Variants in CCND3 observed in about 807,000 individuals in gnomAD.
CCND3 encodes cyclin D3.
Under a neutral mutation model 28.7 loss-of-function variants are expected in CCND3, and 9 were observed. That is an observed-to-expected ratio of 0.31 (90% CI 0.19 to 0.55). The LOEUF (loss-of-function observed/expected upper bound fraction) is 0.55, where lower values mean the gene tolerates loss of function less well. CCND3 is among the 20% of genes least tolerant of loss of function. CCND3 has a pLI of 0.93. For missense variants in CCND3, 315 were observed against 385.8 expected, an observed-to-expected ratio of 0.82 and a Z score of 1.54; for synonymous variants, 164 against 163.9, an observed-to-expected ratio of 1.00 and a Z score of 0.00.
intron 1 of CCND3, among the ~76,000 whole-genome samples, chr6:41,996,123 A>G (rs1032876082): frequency 8.3e-5 from 8 of 96,960 alleles, no homozygotes; most frequent in African/African-American, 3.9e-4. Context: ...ATATATATAT[A>G]ATATATATAT....
intron 1 of CCND3, among the ~76,000 whole-genome samples, chr6:41,953,481 C>T (rs879595157): frequency 1.3e-5 from 2 of 151,916 alleles, no homozygotes; most frequent in Non-Finnish European, 2.9e-5. Flanking sequence ...AAGTAAACTG[C>T]AGTAGTAGGT....
intron 1 of CCND3, among the ~76,000 whole-genome samples, chr6:41,951,589 A>C (rs1776319769): frequency 7.3e-6 from 1 of 137,142 alleles, no homozygotes; most frequent in Non-Finnish European, 1.6e-5. Flanking sequence ...AAAAAAGATT[A>C]AGTGGGAGTA....
At chr6:42,025,281 G>T (rs1340571623) in intron 1 of CCND3, among the ~76,000 whole-genome samples, 1 of 152,182 alleles carries the variant, frequency 6.6e-6, no homozygotes, top group Non-Finnish European at 1.5e-5. Flanking sequence ...GGCCCAGGAA[G>T]CCAAGCCCCA....
chr6:42,042,061 A>G (rs1389738602), intron 1 of CCND3, among the ~76,000 whole-genome samples: 1 of 152,232 alleles, frequency 6.6e-6, no homozygotes, highest in African/African-American at 2.4e-5. Context: ...GGACAGCCCC[A>G]GCTTCAAATA....
intron 1 of CCND3, among the ~76,000 whole-genome samples, chr6:42,044,050 G>A (rs1000576076): frequency 1.3e-5 from 2 of 152,174 alleles, no homozygotes; most frequent in Non-Finnish European, 2.9e-5. Flanking sequence ...CAGGGCCGTC[G>A]GTCCTGCCCT....
chr6:42,009,780 C>T (rs1763286860), intron 1 of CCND3, among the ~76,000 whole-genome samples: 1 of 151,998 alleles, frequency 6.6e-6, no homozygotes, highest in South Asian at 2.1e-4. Flanking sequence ...GAACTCCAGC[C>T]TAGGTGATAG....
chr6:42,012,737 C>T (rs1371693286), intron 1 of CCND3, among the ~76,000 whole-genome samples: 1 of 152,192 alleles, frequency 6.6e-6, no homozygotes, highest in African/African-American at 2.4e-5. Flanking sequence ...ATGTACATTA[C>T]AAGATCTTTA....
At chr6:42,019,404 G>C (rs1411802818) in intron 1 of CCND3, among the ~76,000 whole-genome samples, 2 of 147,664 alleles carry the variant, frequency 1.4e-5, no homozygotes, top group Non-Finnish European at 3.0e-5. Context: ...CAGGAGAATT[G>C]CTTGAACCCG....
chr6:41,987,359 G>A (rs1762507221), intron 1 of CCND3, among the ~76,000 whole-genome samples: 2 of 151,850 alleles, frequency 1.3e-5, no homozygotes, highest in Non-Finnish European at 2.9e-5. Context: ...AGAAAAGACT[G>A]GGTGCTTATA....
In CCND3 at chr6:42,046,968, C is replaced by T. The variant is rs185684290; in HGVS notation, c.-46+1533G>A. Among the ~76,000 whole-genome samples, 184 of 152,370 alleles carry T rather than the reference C, an allele frequency of 1.2e-3. 2 individuals are homozygous for T. The highest frequency in any genetic ancestry group is 4.3e-3 in the African/African-American group (177 of 41,584). ...GTTTCTTGTGTCTGAAGGAAGATTA[C>T]TTATCTCCAGTGCCTGCGTTTCCTC... On this transcript the variant is annotated intron_variant, in intron 1 of 4. Coordinates refer to the CCND3 transcript ENST00000372988.
At chr6:42,007,644 A>T (rs1045623875) in intron 1 of CCND3, among the ~76,000 whole-genome samples, 2 of 152,220 alleles carry the variant, frequency 1.3e-5, no homozygotes, top group Non-Finnish European at 2.9e-5. Context: ...AGGCGGGCTT[A>T]TAAAATTAGG....
chr6:42,035,417 G>T (rs145727622), intron 1 of CCND3, among the ~76,000 whole-genome samples: 2 of 152,188 alleles, frequency 1.3e-5, no homozygotes, highest in East Asian at 3.9e-4. Flanking sequence ...GCCCAGGCTG[G>T]AGTGCAGTGG....
In CCND3 at chr6:42,003,009, A is replaced by G. The variant is rs1020825982; in HGVS notation, c.-46+45492T>C. 5.5e-4 allele frequency among the ~76,000 whole-genome samples: 84 copies of G among 151,470 alleles called. 2 individuals are homozygous for G. Among genetic ancestry groups the G allele is most frequent in the Non-Finnish European group, 1.5e-4 (10 of 67,934 alleles). ...GAAACCCTGTGTCTACTAAAAATAC[A>G]ATATTAGCTGGGTGTGGTGGCACAT... On this transcript the variant is annotated intron_variant, in intron 1 of 4. Coordinates refer to the CCND3 transcript ENST00000372988.
chr6:42,016,989 G>A (rs1007633614), intron 1 of CCND3, among the ~76,000 whole-genome samples: 5 of 152,222 alleles, frequency 3.3e-5, no homozygotes, highest in African/African-American at 7.2e-5. Flanking sequence ...ATGGGGAAAC[G>A]TTAGATAAAT....
In CCND3 at chr6:41,989,144, A is replaced by C. The variant is rs144840094; in HGVS notation, c.-45-48559T>G. Reference sequence around the variant, plus strand: ...TTGTTATTCGCAATATGCAAAAAAAACTCTTAAAATCTCAACAATAAGAAA... The same window carrying C: ...TTGTTATTCGCAATATGCAAAAAAACCTCTTAAAATCTCAACAATAAGAAA... On this transcript the variant is annotated intron_variant, in intron 1 of 4. Coordinates refer to the CCND3 transcript ENST00000372988. Among the ~76,000 whole-genome samples the C allele has an allele frequency of 4.6e-3, 696 of 151,874 alleles. 5 individuals carry two copies. The highest frequency in any genetic ancestry group is 0.016 in the African/African-American group (667 of 41,502).
chr6:41,946,303 A>T (rs940971100), upstream of CCND3, among the ~76,000 whole-genome samples: 1 of 151,964 alleles, frequency 6.6e-6, no homozygotes. Flanking sequence ...CGGGACTTAA[A>T]AGCACAAAGT....
At position 41,955,631 on chromosome 6, in the gene CCND3, G is replaced by A. The variant is rs567475484; in HGVS notation, c.-45-15046C>T. Among the ~76,000 whole-genome samples, 185 of 141,778 alleles carry A rather than the reference G, an allele frequency of 1.3e-3. 1 individual carries two copies. The highest frequency in any genetic ancestry group is 1.6e-3 in the Non-Finnish European group (104 of 66,458). The allele number at this position is 141,778 out of a possible 152,430, so 93.0% of individuals were successfully genotyped here. ...CATTAAAAGTAAACCAGGCAAGCCGGCATGGTGACCCTATCTCTACAAAAA... is the reference window on the plus strand; with the variant it reads ...CATTAAAAGTAAACCAGGCAAGCCGACATGGTGACCCTATCTCTACAAAAA... On this transcript the variant is annotated intron_variant, in intron 1 of 4. Transcript: ENST00000372988.
chr6:41,941,395 G>A lies in CCND3; in HGVS notation c.198+57C>T, dbSNP rs1351738308. On this transcript the variant is annotated intron_variant, in intron 1 of 4. Transcript: ENST00000372991. This position sits in a 1 kb window ranked among gnomAD's most constrained non-coding sequence, Gnocchi z 6.1. ...GGGACCGGGATGTCCCGACAGGGCG[G>A]CCCCGGTGTGTCCAGACCCGGGAGC... The A allele has an allele frequency of 6.3e-7, 1 of 1,588,316 alleles. No homozygotes were observed. Among genetic ancestry groups the A allele is most frequent in the Non-Finnish European group, 8.5e-7 (1 of 1,170,792 alleles).
Position 41,941,309 on chromosome 6 carries a change from G to GC in CCND3, c.198+142dup, listed in dbSNP as rs368995905. ...AGCAAGGGAGGCAGCTGGCGTGGGT[G>GC]CCCTAGTGAAAGGCCAGGCCCCGGG... On this transcript the variant is annotated intron_variant, in intron 1 of 4. Transcript: ENST00000372991. This position sits in a 1 kb window ranked among gnomAD's most constrained non-coding sequence, Gnocchi z 6.1. The GC allele has an allele frequency of 2.0e-6, 3 of 1,464,768 alleles. No homozygotes were observed. The highest frequency in any genetic ancestry group is 2.8e-5 in the African/African-American group (2 of 70,566). 90.7% of individuals were successfully genotyped at this position (1,464,768 alleles called of 1,614,324 possible).
Sources: gnomAD v4.1 joint callset for allele counts (sites outside exome capture counted in the v4.1 genomes callset) on GRCh38, gnomAD v4.1.1 for gene constraint, Gnocchi (gnomAD v3.1) non-coding constraint, MANE v1.5 for transcripts, NCBI Gene and HGNC (gene_info 2026-07-23, HGNC 2026-07-21) for gene names.